IMMP1L: variants seen among roughly 807,000 people sequenced by gnomAD.
IMMP1L encodes mitochondrial inner membrane protease subunit 1.
In IMMP1L, 24 loss-of-function variants were observed where a neutral mutation model predicts 21.8. That is an observed-to-expected ratio of 1.10 (90% CI 0.80 to 1.55). The LOEUF (loss-of-function observed/expected upper bound fraction) is 1.55. IMMP1L is among the 40% of genes most tolerant of loss of function. The probability of loss-of-function intolerance (pLI) is 0.00; values close to 1 mark genes in which losing one functional copy is unlikely to be tolerated. For missense variants in IMMP1L, 195 were observed against 200.7 expected (o/e 0.97, Z 0.17); for synonymous variants, 46 against 62.8 (o/e 0.73, Z 1.26).
rs750907646 is a variant in IMMP1L at position 31,432,457 on chromosome 11, C to T, written c.*43G>A. The T allele has an allele frequency of 4.5e-6, 6 of 1,339,424 alleles. No individual in the cohort carries two copies. The South Asian group carries it at 4.7e-5, about 10-fold the overall frequency. The allele number at this position is 1,339,424 out of a possible 1,614,324, so 83.0% of individuals were successfully genotyped here. A position where few individuals can be genotyped will look rare whatever the true frequency, so the allele number is the denominator to read the frequency against. On this transcript the variant is annotated 3_prime_UTR_variant, in exon 6 of 6. Transcript: ENST00000532287. Reference sequence around the variant, plus strand: ...GGTTTCAACGGGAGTAATAAATTCACATGAAAAGGAGACAATAATCAAGTC... The same window carrying T: ...GGTTTCAACGGGAGTAATAAATTCATATGAAAAGGAGACAATAATCAAGTC...
rs531933841 is a variant in IMMP1L, at chr11:31,470,771, C to T, written c.-29-7466G>A. Among the ~76,000 whole-genome samples the T allele has an allele frequency of 5.9e-5, 9 of 152,238 alleles. No individual in the cohort carries two copies. The East Asian group carries it at 1.7e-3, about 29-fold the overall frequency. ...ATAAAGAAAATGTGGTATATATACA[C>T]AATGGCATACTATTCAGCCACAAAA... On this transcript the variant is annotated intron_variant, in intron 1 of 5. Coordinates refer to ENST00000532287, the MANE Select transcript of IMMP1L (RefSeq NM_001304274.2).
intron 4 of IMMP1L, among the ~76,000 whole-genome samples, chr11:31,436,510 G>T (rs1198037874): frequency 6.6e-6 from 1 of 151,898 alleles, no homozygotes; most frequent in African/African-American, 2.4e-5. Context: ...TCGGCTCACT[G>T]CAACCTCCAC....
chr11:31,457,661 C>A (rs1953993197), intron 3 of IMMP1L, among the ~76,000 whole-genome samples: 1 of 152,092 alleles, frequency 6.6e-6, no homozygotes, highest in Admixed American at 6.6e-5. Context: ...ACATGGAAAT[C>A]ATTAATTAAT....
chr11:31,439,177 G>T (rs912171156), intron 4 of IMMP1L, among the ~76,000 whole-genome samples: 9 of 151,918 alleles, frequency 5.9e-5, no homozygotes, highest in Non-Finnish European at 1.2e-4. Context: ...GGACAAAATT[G>T]GAAAAAAATG....
At chr11:31,457,924 A>G (rs776082798) in intron 3 of IMMP1L, among the ~76,000 whole-genome samples, 2 of 152,176 alleles carry the variant, frequency 1.3e-5, no homozygotes, top group Non-Finnish European at 2.9e-5. Flanking sequence ...AAAACAGAAT[A>G]AAGGTATTTT....
rs951355104 is a variant in IMMP1L at position 31,432,447 on chromosome 11, A to G, written c.*53T>C. 1.6e-6 allele frequency: 2 copies of G among 1,242,934 alleles called. No homozygotes were observed. The highest frequency in any genetic ancestry group is 3.0e-5 in the African/African-American group (2 of 67,478). 77.0% of individuals were successfully genotyped at this position (1,242,934 alleles called of 1,614,324 possible). ...GTAAGTACACGGTTTCAACGGGAGT[A>G]ATAAATTCACATGAAAAGGAGACAA... On this transcript the variant is annotated 3_prime_UTR_variant, in exon 6 of 6. Transcript: ENST00000532287.
chr11:31,459,212 A>G (rs552324092), intron 3 of IMMP1L, among the ~76,000 whole-genome samples: 2 of 152,366 alleles, frequency 1.3e-5, no homozygotes, highest in East Asian at 1.9e-4. Flanking sequence ...AGGTTGACCA[A>G]GAGAGTTTCT....
intron 4 of IMMP1L, among the ~76,000 whole-genome samples, chr11:31,440,710 T>A (rs1953296957): frequency 1.3e-5 from 2 of 152,200 alleles, no homozygotes; most frequent in Non-Finnish European, 2.9e-5. Context: ...TTTTTTAGCA[T>A]ACTTGCAACA....
intron 4 of IMMP1L, 66 bp from the exon 5 acceptor site, chr11:31,433,636 G>C (rs1405929115): frequency 1.8e-5 from 17 of 965,040 alleles, no homozygotes; most frequent in South Asian, 7.2e-5. Flanking sequence ...TAATTAAAAA[G>C]CATGTCATTC....
At chr11:31,434,946 A>G (rs1019857010) in intron 4 of IMMP1L, among the ~76,000 whole-genome samples, 3 of 152,188 alleles carry the variant, frequency 2.0e-5, no homozygotes, top group Admixed American at 6.5e-5. Flanking sequence ...GAAAGTGTGT[A>G]CATCACAGTC....
intron 2 of IMMP1L, among the ~76,000 whole-genome samples, chr11:31,460,944 C>A (rs1396130965): frequency 6.6e-6 from 1 of 151,962 alleles, no homozygotes; most frequent in Non-Finnish European, 1.5e-5. Flanking sequence ...ATTATAATGC[C>A]TGAATAAAAC....
intron 4 of IMMP1L, chr11:31,448,927 T>C (rs1233350964): frequency 2.0e-6 from 2 of 985,052 alleles, no homozygotes; most frequent in African/African-American, 3.5e-5. Flanking sequence ...AGCTATAGAA[T>C]GAAAAAGTCA....
intron 4 of IMMP1L, among the ~76,000 whole-genome samples, chr11:31,442,972 C>T (rs977418403): frequency 6.6e-6 from 1 of 151,672 alleles, no homozygotes; most frequent in African/African-American, 2.4e-5. Context: ...TGCATAATAC[C>T]CTTGCCTATG....
chr11:31,483,570 T>TC (rs1954972543), intron 1 of IMMP1L, among the ~76,000 whole-genome samples: 1 of 151,966 alleles, frequency 6.6e-6, no homozygotes, highest in African/African-American at 2.4e-5. Context: ...TATCCAGTCT[T>TC]CGTGTTGGAA....
At chr11:31,438,120 C>T (rs539828422) in intron 4 of IMMP1L, among the ~76,000 whole-genome samples, 5 of 152,162 alleles carry the variant, frequency 3.3e-5, no homozygotes, top group Middle Eastern at 3.4e-3. Flanking sequence ...TATGTTTAAC[C>T]TTAAAGAAAT....
intron 1 of IMMP1L, among the ~76,000 whole-genome samples, chr11:31,499,747 T>A (rs887655843): frequency 6.6e-6 from 1 of 152,140 alleles, no homozygotes; most frequent in Admixed American, 6.5e-5. Flanking sequence ...TATTTCTGGC[T>A]ACTTTCCCAT....
intron 1 of IMMP1L, among the ~76,000 whole-genome samples, chr11:31,487,017 C>T (rs998595933): frequency 6.6e-6 from 1 of 151,540 alleles, no homozygotes; most frequent in African/African-American, 2.4e-5. Context: ...AAGATGTATG[C>T]TAAATATTTA....
chr11:31,498,699 TCAGA>T (rs1955527134), intron 1 of IMMP1L, among the ~76,000 whole-genome samples: 2 of 152,316 alleles, frequency 1.3e-5, no homozygotes, highest in Admixed American at 1.3e-4. Flanking sequence ...AATTCTGTAG[TCAGA>T]CAGGCTAGCT....
chr11:31,472,948 C>A (rs1954613018), intron 1 of IMMP1L, among the ~76,000 whole-genome samples: 1 of 152,178 alleles, frequency 6.6e-6, no homozygotes, highest in Admixed American at 6.5e-5. Context: ...TCACTGCAAT[C>A]TCCGCCTCCC....
Sources: allele counts gnomAD v4.1 joint callset (sites outside exome capture counted in the v4.1 genomes callset), GRCh38; gene constraint gnomAD v4.1.1; transcripts MANE v1.5; gene names NCBI Gene and HGNC (gene_info 2026-07-23, HGNC 2026-07-21).